The following OSBPL1A variants were observed in gnomAD, a reference collection of about 807,000 sequenced individuals.
OSBPL1A encodes the protein oxysterol-binding protein-related protein 1.
Under a neutral mutation model 137.1 loss-of-function variants are expected in OSBPL1A, and 80 were observed. That is an observed-to-expected ratio of 0.58 (90% CI 0.49 to 0.70). OSBPL1A has a LOEUF of 0.70. Ranked by LOEUF, OSBPL1A falls within the 30% of genes least tolerant of loss-of-function variation. The pLI, the probability that OSBPL1A is intolerant of heterozygous loss-of-function variation, is 0.00. For missense variants in OSBPL1A, 970 were observed against 1,129.4 expected (o/e 0.86, Z 2.02); for synonymous variants, 365 against 389.7 (o/e 0.94, Z 0.75).
chr18:24,225,238 G>A (rs1404293523), intron 16 of OSBPL1A, 40 bp from the exon 17 acceptor site: 1 of 1,608,198 alleles, frequency 6.2e-7, no homozygotes, highest in East Asian at 2.2e-5. Context: ...ATTGAACTTG[G>A]GTGTGAGGCT....
intron 1 of OSBPL1A, among the ~76,000 whole-genome samples, chr18:24,385,800 TC>T (rs1344444314): frequency 2.0e-5 from 3 of 152,144 alleles, no homozygotes; most frequent in African/African-American, 7.2e-5. Context: ...TGCACCAGAC[TC>T]CTTTAAAGCA....
intron 12 of OSBPL1A, among the ~76,000 whole-genome samples, chr18:24,313,836 T>C (rs2090669865): frequency 6.6e-6 from 1 of 152,214 alleles, no homozygotes; most frequent in African/African-American, 2.4e-5. Flanking sequence ...GCACAGTGGC[T>C]CATGCCTGTA....
chr18:24,389,065 C>A (rs959379553), intron 1 of OSBPL1A, among the ~76,000 whole-genome samples: 3 of 152,104 alleles, frequency 2.0e-5, no homozygotes, highest in Non-Finnish European at 2.9e-5. Flanking sequence ...TCCAGAAAAG[C>A]GCTTTGTCTC....
intron 18 of OSBPL1A, among the ~76,000 whole-genome samples, chr18:24,182,464 G>T (rs1408457953): frequency 6.6e-6 from 1 of 152,148 alleles, no homozygotes; most frequent in Non-Finnish European, 1.5e-5. Flanking sequence ...GCGTGGGCGG[G>T]TGAACAGTCC....
rs535931991 is a variant in OSBPL1A, at chr18:24,320,233, T to C, written c.626-1424A>G. On this transcript the variant is annotated intron_variant, in intron 7 of 27. Coordinates refer to ENST00000319481, the MANE Select transcript of OSBPL1A (RefSeq NM_080597.4). ...GATTACTATTTTAGGCACTGAGGAT[T>C]CAGCAGTGAACATAACAGAAAAAAT... Among the ~76,000 whole-genome samples, 103 of 152,236 alleles carry C rather than the reference T, an allele frequency of 6.8e-4. 1 individual carries two copies. The highest frequency in any genetic ancestry group is 1.2e-3 in the Non-Finnish European group (80 of 68,020).
At chr18:24,390,425 G>C (rs955005164) in intron 1 of OSBPL1A, among the ~76,000 whole-genome samples, 64 of 152,192 alleles carry the variant, frequency 4.2e-4, no homozygotes, top group African/African-American at 1.4e-3. Flanking sequence ...GGGCGTGGTG[G>C]CTCATGCCTA....
At chr18:24,163,427 A>T (rs7243722) in intron 27 of OSBPL1A, 146 bp from the exon 28 acceptor site, 89,992 of 564,610 alleles carry the variant, frequency 0.16, 18,422 homozygotes, top group African/African-American at 0.69. Flanking sequence ...GTGATGCTGT[A>T]TTTCTGCTTA....
rs574738083 is a variant in OSBPL1A, at chr18:24,346,919, T to TC, written c.283-5262_283-5261insG. Among the ~76,000 whole-genome samples, 20 of 151,042 alleles carry TC rather than the reference T, an allele frequency of 1.3e-4. No individual in the cohort carries two copies. In the South Asian group the frequency reaches 4.2e-3, roughly 32 times the overall value. On this transcript the variant is annotated intron_variant, in intron 4 of 27. Transcript: ENST00000319481. ...CACTGTGCCTAGCTATTTTTTTTTT[T>TC]TTTCATTTTTTGTAGAGACAGGGTC...
chr18:24,278,533 C>G (rs950195807), intron 15 of OSBPL1A, among the ~76,000 whole-genome samples: 3 of 152,164 alleles, frequency 2.0e-5, no homozygotes, highest in Non-Finnish European at 2.9e-5. Context: ...TAGGCTAACA[C>G]TCTTGCACAT....
intron 3 of OSBPL1A, 59 bp downstream of exon 3, chr18:24,368,228 A>G (rs1905313030): frequency 7.3e-7 from 1 of 1,370,096 alleles, no homozygotes; most frequent in Non-Finnish European, 1.0e-6. Context: ...CTTTCATCTT[A>G]AAATTTCCAT....
intron 17 of OSBPL1A, among the ~76,000 whole-genome samples, chr18:24,215,023 A>T (rs1322299377): frequency 6.6e-6 from 1 of 152,180 alleles, no homozygotes; most frequent in Non-Finnish European, 1.5e-5. Context: ...CATCAGAGGG[A>T]TAGAATTTCT....
chr18:24,307,452 G>T (rs1451562463), intron 13 of OSBPL1A, among the ~76,000 whole-genome samples: 1 of 152,130 alleles, frequency 6.6e-6, no homozygotes, highest in African/African-American at 2.4e-5. Flanking sequence ...AAAGGATATA[G>T]AGAGAAAAGT....
intron 4 of OSBPL1A, among the ~76,000 whole-genome samples, chr18:24,345,691 A>C (rs1409445655): frequency 6.6e-6 from 1 of 152,168 alleles, no homozygotes; most frequent in Non-Finnish European, 1.5e-5. Context: ...ATCTCAAAAA[A>C]AAAAAGTAGT....
chr18:24,355,986 AAAAAAAAAAAAAAAG>A, intron 4 of OSBPL1A, among the ~76,000 whole-genome samples: 1 of 66,192 alleles, frequency 1.5e-5, no homozygotes, highest in Admixed American at 2.0e-4. Context: ...CTCTTGTCTC[AAAAAAAAAAAAAAAG>A]AAAAGAAAAA....
At chr18:24,351,151 C>T (rs1004799954) in intron 4 of OSBPL1A, among the ~76,000 whole-genome samples, 1 of 151,728 alleles carries the variant, frequency 6.6e-6, no homozygotes, top group African/African-American at 2.4e-5. Flanking sequence ...AGTTCGAGAC[C>T]AGCCTGGCCA....
intron 15 of OSBPL1A, among the ~76,000 whole-genome samples, chr18:24,272,829 T>C (rs2089754346): frequency 1.3e-5 from 2 of 152,220 alleles, no homozygotes; most frequent in East Asian, 1.9e-4. Context: ...TTCCAGGCCA[T>C]GCTGGGAAAA....
At chr18:24,176,132 T>C (rs569346227) in intron 21 of OSBPL1A, among the ~76,000 whole-genome samples, 2 of 152,336 alleles carry the variant, frequency 1.3e-5, no homozygotes, top group African/African-American at 4.8e-5. Context: ...GTTCTGTCAT[T>C]TGCCTTTCCA....
chr18:24,277,688 T>C (rs1032741279), intron 15 of OSBPL1A, among the ~76,000 whole-genome samples: 3 of 152,206 alleles, frequency 2.0e-5, no homozygotes, highest in African/African-American at 7.2e-5. Flanking sequence ...AAAAAAGGTA[T>C]TACAGCACAT....
chr18:24,266,773 C>T (rs951158067), intron 15 of OSBPL1A, among the ~76,000 whole-genome samples: 17 of 151,894 alleles, frequency 1.1e-4, no homozygotes, highest in Admixed American at 2.6e-4. Flanking sequence ...AATAAACCAA[C>T]GGCTAAAGCT....
Sources: gnomAD v4.1 joint callset for allele counts (sites outside exome capture counted in the v4.1 genomes callset) on GRCh38, gnomAD v4.1.1 for gene constraint, MANE v1.5 for transcripts, NCBI Gene and HGNC (gene_info 2026-07-23, HGNC 2026-07-21) for gene names.